Variants in MAGI2 observed in about 807,000 individuals in gnomAD.
The protein encoded by MAGI2 is membrane associated guanylate kinase, WW and PDZ domain containing 2.
MAGI2 carries 35 observed loss-of-function variants against 133.3 expected under a neutral mutation model. The observed-to-expected ratio is 0.26, with a 90% CI of 0.20 to 0.35. The LOEUF (loss-of-function observed/expected upper bound fraction) is 0.35. MAGI2 is among the 10% of genes least tolerant of loss of function. MAGI2 has a pLI of 1.00. For synonymous variants in MAGI2, 729 were observed against 710.6 expected, an observed-to-expected ratio of 1.03 and a Z score of -0.41; for missense variants, 1,636 against 1,863.4, an observed-to-expected ratio of 0.88 and a Z score of 2.25.
chr7:78,108,794 AAT>A (rs578163117), intron 20 of MAGI2, among the ~76,000 whole-genome samples: 47 of 152,138 alleles, frequency 3.1e-4, no homozygotes, highest in Non-Finnish European at 5.9e-4. Context: ...GTATATACAC[AAT>A]ATATACTCAA....
chr7:78,719,590 A>G (rs954879163), intron 2 of MAGI2, among the ~76,000 whole-genome samples: 1 of 152,248 alleles, frequency 6.6e-6, no homozygotes, highest in African/African-American at 2.4e-5. Flanking sequence ...CACGAAGAAA[A>G]TAAGCAAGTT....
chr7:78,768,615 C>T (rs951593046), intron 2 of MAGI2, among the ~76,000 whole-genome samples: 6 of 152,140 alleles, frequency 3.9e-5, no homozygotes, highest in Admixed American at 3.3e-4. Context: ...AAAACACTTA[C>T]GAAACTGTTT....
chr7:79,012,965 G>T (rs977160878), intron 1 of MAGI2, among the ~76,000 whole-genome samples: 1 of 152,024 alleles, frequency 6.6e-6, no homozygotes, highest in Non-Finnish European at 1.5e-5. Context: ...ATTCATGAGG[G>T]TCTCACCCTC....
At chr7:79,066,602 CT>C (rs1814359461) in intron 1 of MAGI2, among the ~76,000 whole-genome samples, 1 of 152,008 alleles carries the variant, frequency 6.6e-6, no homozygotes, top group Non-Finnish European at 1.5e-5. Flanking sequence ...TGCAGAAGCT[CT>C]TTAGTTTAAT....
chr7:79,444,890 C>A (rs1229106442), intron 1 of MAGI2, among the ~76,000 whole-genome samples: 1 of 152,180 alleles, frequency 6.6e-6, no homozygotes, highest in African/African-American at 2.4e-5. Context: ...AAGCTGGAGG[C>A]ATCACGCTAT....
chr7:78,365,197 G>A (rs1793250867), intron 7 of MAGI2, among the ~76,000 whole-genome samples: 2 of 152,038 alleles, frequency 1.3e-5, no homozygotes, highest in African/African-American at 2.4e-5. Flanking sequence ...AATGGAGCTG[G>A]TGGCTCAGAA....
chr7:78,481,749 T>G (rs1297771248), intron 6 of MAGI2, among the ~76,000 whole-genome samples: 1 of 151,632 alleles, frequency 6.6e-6, no homozygotes, highest in Non-Finnish European at 1.5e-5. Flanking sequence ...CTTATACATT[T>G]AACAAAAATT....
chr7:79,342,149 A>C (rs1436435557), intron 1 of MAGI2, among the ~76,000 whole-genome samples: 1 of 152,218 alleles, frequency 6.6e-6, no homozygotes, highest in Non-Finnish European at 1.5e-5. Context: ...TCACTTTAAA[A>C]TGATACATTT....
At chr7:79,451,235 T>C (rs141956885) in intron 1 of MAGI2, among the ~76,000 whole-genome samples, 5 of 152,350 alleles carry the variant, frequency 3.3e-5, no homozygotes, top group Non-Finnish European at 5.9e-5. Context: ...TGGGACTCTA[T>C]TAAGTCCAAT....
At chr7:79,283,302 G>C (rs868071471) in intron 1 of MAGI2, among the ~76,000 whole-genome samples, 1 of 152,098 alleles carries the variant, frequency 6.6e-6, no homozygotes, top group Non-Finnish European at 1.5e-5. Flanking sequence ...TTTAAAAAAT[G>C]ATAAGCCCTC....
chr7:79,245,012 T>C (rs1471633927), intron 1 of MAGI2, among the ~76,000 whole-genome samples: 2 of 152,114 alleles, frequency 1.3e-5, no homozygotes, highest in Non-Finnish European at 2.9e-5. Flanking sequence ...CATTTCTAGA[T>C]ACACCCTGGG....
chr7:78,667,013 G>A (rs1261692056), intron 2 of MAGI2, among the ~76,000 whole-genome samples: 1 of 152,126 alleles, frequency 6.6e-6, no homozygotes, highest in Non-Finnish European at 1.5e-5. Context: ...AACATAGAGA[G>A]TTGATCTTTT....
Position 79,092,600 on chromosome 7 carries a change from T to A in MAGI2, c.302-85394A>T, listed in dbSNP as rs370902344. 3.3e-4 allele frequency among the ~76,000 whole-genome samples: 51 copies of A among 152,320 alleles called. No homozygotes were observed. In the South Asian group the frequency reaches 0.01, roughly 31 times the overall value. ...TATTAACTTCCATATACAATTTATT[T>A]CTAGGAAATCTTTCAGAATTTCCCC... is the stretch of plus-strand genomic sequence containing the variant. On this transcript the variant is annotated intron_variant, in intron 1 of 21. Transcript: ENST00000354212.
intron 1 of MAGI2, among the ~76,000 whole-genome samples, chr7:79,129,591 G>A (rs1460697352): frequency 6.6e-6 from 1 of 152,140 alleles, no homozygotes; most frequent in East Asian, 1.9e-4. Context: ...ACTAGTTTAA[G>A]TTTGCTTAGT....
intron 2 of MAGI2, among the ~76,000 whole-genome samples, chr7:78,694,995 G>T (rs1817352863): frequency 6.6e-6 from 1 of 152,130 alleles, no homozygotes; most frequent in African/African-American, 2.4e-5. Context: ...GGAGGCCAAG[G>T]CCGGCAGATC....
At chr7:78,164,122 G>A (rs1017161421) in intron 15 of MAGI2, among the ~76,000 whole-genome samples, 6 of 152,110 alleles carry the variant, frequency 3.9e-5, no homozygotes, top group Non-Finnish European at 5.9e-5. Context: ...TATTCACACA[G>A]TGAGGAATTC....
At chr7:78,169,855 T>C (rs1825955868) in intron 14 of MAGI2, among the ~76,000 whole-genome samples, 1 of 152,184 alleles carries the variant, frequency 6.6e-6, no homozygotes, top group Non-Finnish European at 1.5e-5. Flanking sequence ...TATGCTCTGA[T>C]ATTCTCCACT....
At chr7:78,882,032 A>G (rs1239204519) in intron 2 of MAGI2, among the ~76,000 whole-genome samples, 1 of 145,658 alleles carries the variant, frequency 6.9e-6, no homozygotes, top group Admixed American at 7.0e-5. Context: ...TGATTCTTTG[A>G]AAAGATAAAT....
At chr7:78,458,934 C>T (rs1241061311) in intron 6 of MAGI2, among the ~76,000 whole-genome samples, 3 of 152,046 alleles carry the variant, frequency 2.0e-5, no homozygotes, top group African/African-American at 7.2e-5. Flanking sequence ...GGGCCGGGCT[C>T]ATTACTTTTT....
Sources: allele counts gnomAD v4.1 joint callset (sites outside exome capture counted in the v4.1 genomes callset), GRCh38; gene constraint gnomAD v4.1.1; transcripts MANE v1.5; gene names NCBI Gene and HGNC (gene_info 2026-07-23, HGNC 2026-07-21).